RSU1: variants seen among roughly 807,000 people sequenced by gnomAD.
The protein encoded by RSU1 is Ras suppressor protein 1, also known as rsu-1.
In RSU1, 26 loss-of-function variants were observed where a neutral mutation model predicts 31.1. That is an observed-to-expected ratio of 0.84 (90% CI 0.61 to 1.16). The LOEUF is 1.16. Ranked by LOEUF, RSU1 falls within the 50% of genes most tolerant of loss-of-function variation. RSU1 has a pLI of 0.00. For missense variants in RSU1, 320 were observed against 339.1 expected, an observed-to-expected ratio of 0.94 and a Z score of 0.44; for synonymous variants, 164 against 136.3, an observed-to-expected ratio of 1.20 and a Z score of -1.41.
intron 7 of RSU1, among the ~76,000 whole-genome samples, chr10:16,747,898 G>T (rs1206443042): frequency 3.3e-5 from 5 of 152,126 alleles, no homozygotes; most frequent in Non-Finnish European, 7.4e-5. Context: ...GTGGGGCACA[G>T]TGGTGCACGC....
rs1230474182 is a variant in RSU1, at chr10:16,591,551, A to G, written c.*1843T>C. On this transcript the variant is annotated 3_prime_UTR_variant, in exon 9 of 9. Coordinates refer to ENST00000345264, the MANE Select transcript of RSU1 (RefSeq NM_012425.4). ...TCCTCTTGCACTTAATACTGCCTTA[A>G]AAAATATTTGCACATTTCTCTTTGT... 6.6e-6 allele frequency: 1 copy of G among 152,168 alleles called. No homozygotes were observed. The highest frequency in any genetic ancestry group is 1.5e-5 in the Non-Finnish European group (1 of 68,038). The allele number at this position is 152,168 out of a possible 1,614,324, so 9.4% of individuals were successfully genotyped here.
intron 2 of RSU1, among the ~76,000 whole-genome samples, chr10:16,802,219 A>G (rs1838171279): frequency 6.7e-6 from 1 of 149,546 alleles, no homozygotes; most frequent in Non-Finnish European, 1.5e-5. Flanking sequence ...CGAACAAATT[A>G]CAAACAGAAA....
At chr10:16,615,164 C>T (rs542311448) in intron 8 of RSU1, among the ~76,000 whole-genome samples, 49 of 150,890 alleles carry the variant, frequency 3.2e-4, no homozygotes, top group Non-Finnish European at 5.3e-4. Context: ...CAAACAAAGG[C>T]TCAAAATAAA....
intron 8 of RSU1, among the ~76,000 whole-genome samples, chr10:16,616,451 ATC>A (rs1448247538): frequency 6.6e-6 from 1 of 151,948 alleles, no homozygotes; most frequent in African/African-American, 2.4e-5. Flanking sequence ...AAGAGCTAAT[ATC>A]ATTCCTTCTG....
At chr10:16,725,416 G>C (rs1165166233) in intron 7 of RSU1, among the ~76,000 whole-genome samples, 1 of 152,114 alleles carries the variant, frequency 6.6e-6, no homozygotes, top group Non-Finnish European at 1.5e-5. Context: ...GAAAGGAACA[G>C]ATACTCTGAA....
In RSU1 at chr10:16,695,161, G is replaced by A. The variant is rs199718142; in HGVS notation, c.599-6C>T. 6 of 1,483,174 alleles carry A rather than the reference G, an allele frequency of 4.0e-6. No homozygotes were observed. Among genetic ancestry groups the A allele is most frequent in the African/African-American group, 3.2e-5 (2 of 61,844 alleles). The allele number at this position is 1,483,174 out of a possible 1,614,324, so 91.9% of individuals were successfully genotyped here. On this transcript the variant is annotated splice_region_variant and splice_polypyrimidine_tract_variant and intron_variant, in intron 7 of 8. Transcript: ENST00000345264. ...GCCAGTTAAATCCAAGTTTCCTGGG[G>A]GGGGGGAAAAAAAAAGTGAAGGTCA...
At position 16,816,974 on chromosome 10, in the gene RSU1, G is replaced by A; in HGVS notation, c.108C>T (p.Leu36=). The A allele has an allele frequency of 1.2e-6, 2 of 1,610,922 alleles. No individual in the cohort carries two copies. Among genetic ancestry groups the A allele is most frequent in the Non-Finnish European group, 1.7e-6 (2 of 1,177,024 alleles). Residue 36 remains leucine (L), a splice_region_variant and synonymous_variant, in exon 2 of 9, where the codon CTC becomes CTT. Transcript: ENST00000345264. ...GGAGAGTCCTGCCCGAGAACTCACA[G>A]AGGCCGTTGACATCCAGCATGTTGG... ...GISNMLDVNG[L]FTLSHITQLV...
At chr10:16,609,233 G>A (rs1408755959) in intron 8 of RSU1, among the ~76,000 whole-genome samples, 2 of 152,218 alleles carry the variant, frequency 1.3e-5, no homozygotes, top group African/African-American at 4.8e-5. Context: ...TGATCTATGA[G>A]AAGATTCCAT....
At chr10:16,673,923 G>C (rs768114004) in intron 8 of RSU1, among the ~76,000 whole-genome samples, 19 of 152,268 alleles carry the variant, frequency 1.2e-4, no homozygotes, top group Non-Finnish European at 1.9e-4. Flanking sequence ...TTATTTTCAA[G>C]CAATTACTAT....
At chr10:16,600,568 A>AGG (rs1294895687) in intron 8 of RSU1, among the ~76,000 whole-genome samples, 4,102 of 139,174 alleles carry the variant, frequency 0.029, 199 homozygotes, top group African/African-American at 0.1. Context: ...TTTTTTTTTT[A>AGG]GGGGGGGGTG....
At chr10:16,624,850 C>A (rs372479237) in intron 8 of RSU1, among the ~76,000 whole-genome samples, 7 of 152,258 alleles carry the variant, frequency 4.6e-5, no homozygotes, top group African/African-American at 1.4e-4. Flanking sequence ...AAAGTTCAGA[C>A]TGACTCCCGT....
chr10:16,652,692 T>C (rs889417650), intron 8 of RSU1, among the ~76,000 whole-genome samples: 1 of 152,206 alleles, frequency 6.6e-6, no homozygotes, highest in African/African-American at 2.4e-5. Flanking sequence ...ATTTTATTTA[T>C]TTGTTTTTGA....
At chr10:16,603,919 T>C (rs554065166) in intron 8 of RSU1, among the ~76,000 whole-genome samples, 1 of 152,350 alleles carries the variant, frequency 6.6e-6, no homozygotes, top group African/African-American at 2.4e-5. Flanking sequence ...AATTTACCCA[T>C]TTAAAAATTA....
At chr10:16,797,825 C>T (rs976589823) in intron 2 of RSU1, among the ~76,000 whole-genome samples, 2 of 141,160 alleles carry the variant, frequency 1.4e-5, no homozygotes, top group Non-Finnish European at 3.1e-5. Context: ...TAATACTTTA[C>T]AAGAAACAGA....
intron 7 of RSU1, among the ~76,000 whole-genome samples, chr10:16,726,200 G>C (rs1344489048): frequency 6.6e-6 from 1 of 150,788 alleles, no homozygotes; most frequent in African/African-American, 2.5e-5. Flanking sequence ...AAAATATTAT[G>C]CTTCTTCATT....
At chr10:16,815,309 G>A (rs1447832083) in intron 2 of RSU1, among the ~76,000 whole-genome samples, 5 of 152,116 alleles carry the variant, frequency 3.3e-5, no homozygotes, top group Admixed American at 2.0e-4. Flanking sequence ...GCAAATCTAC[G>A]TTTCCTCCCT....
chr10:16,744,534 A>C (rs539819459), intron 7 of RSU1, among the ~76,000 whole-genome samples: 7 of 152,312 alleles, frequency 4.6e-5, no homozygotes, highest in East Asian at 3.9e-4. Context: ...AAGTGAGTCT[A>C]ATCAGTTACT....
rs1462614860 is a variant in RSU1, at chr10:16,593,448, A to ATTC, written c.777_779dup (p.Lys259dup). 5 of 1,613,948 alleles carry ATTC rather than the reference A, an allele frequency of 3.1e-6. No individual in the cohort carries two copies. The highest frequency in any genetic ancestry group is 4.2e-6 in the Non-Finnish European group (5 of 1,180,010). On this transcript the variant is annotated inframe_insertion, in exon 9 of 9. Transcript: ENST00000345264. ...GGCTGATCTTTTTCGATTTGTCATT[A>ATTC]TTCTTCTTCGGTGGTTCTGGGTTGG...
At chr10:16,789,855 C>T (rs1448918980) in intron 2 of RSU1, among the ~76,000 whole-genome samples, 1 of 152,194 alleles carries the variant, frequency 6.6e-6, no homozygotes, top group Non-Finnish European at 1.5e-5. Context: ...TTTGCCCGGG[C>T]ATTTTCAGAG....
Sources: gnomAD v4.1 joint callset for allele counts (sites outside exome capture counted in the v4.1 genomes callset) on GRCh38, gnomAD v4.1.1 for gene constraint, MANE v1.5 for transcripts, NCBI Gene and HGNC (gene_info 2026-07-23, HGNC 2026-07-21) for gene names.